The following SCHIP1 variants were observed in gnomAD, a reference collection of about 807,000 sequenced individuals.
SCHIP1 encodes schwannomin interacting protein 1, also known as schwannomin-interacting protein 1.
Under a neutral mutation model 29.7 loss-of-function variants are expected in SCHIP1, and 8 were observed. The ratio of observed to expected loss-of-function variants is 0.27; its 90% CI spans 0.16 to 0.49. The LOEUF is 0.49. SCHIP1 is among the 20% of genes least tolerant of loss of function. The pLI, the probability that SCHIP1 is intolerant of heterozygous loss-of-function variation, is 0.99. For missense variants in SCHIP1, 193 were observed against 294.6 expected, an observed-to-expected ratio of 0.66 and a Z score of 2.52; for synonymous variants, 76 against 94.9, an observed-to-expected ratio of 0.80 and a Z score of 1.16.
chr3:159,701,335 A>C, the SCHIP1 span, among the ~76,000 whole-genome samples: 1 of 152,140 alleles, frequency 6.6e-6, no homozygotes, highest in African/African-American at 2.4e-5. Flanking sequence ...CACAAAGTAC[A>C]GAGTTCCTAT....
At chr3:159,296,918 T>G in the SCHIP1 span, among the ~76,000 whole-genome samples, 1 of 152,218 alleles carries the variant, frequency 6.6e-6, no homozygotes, top group East Asian at 1.9e-4. Flanking sequence ...ACTAACATCT[T>G]CCTATTTCCT....
chr3:159,442,187 AG>A, the SCHIP1 span, among the ~76,000 whole-genome samples: 1 of 152,282 alleles, frequency 6.6e-6, no homozygotes, highest in South Asian at 2.1e-4. Flanking sequence ...TGTATGCAAA[AG>A]AAACAGACTC....
chr3:159,412,110 A>T, the SCHIP1 span, among the ~76,000 whole-genome samples: 2 of 152,216 alleles, frequency 1.3e-5, no homozygotes, highest in South Asian at 4.1e-4. Context: ...AGTTACTGTT[A>T]TCCATACCCA....
At chr3:159,587,600 C>T in the SCHIP1 span, among the ~76,000 whole-genome samples, 2 of 152,174 alleles carry the variant, frequency 1.3e-5, no homozygotes, top group Non-Finnish European at 2.9e-5. Flanking sequence ...GGTATATCTC[C>T]TAATGCTATC....
the SCHIP1 span, among the ~76,000 whole-genome samples, chr3:159,427,563 G>A: frequency 2.0e-5 from 3 of 152,226 alleles, no homozygotes; most frequent in Middle Eastern, 6.8e-3. Context: ...ACAAATGGAA[G>A]AACATTCCAT....
At chr3:159,783,154 G>A in the SCHIP1 span, among the ~76,000 whole-genome samples, 1 of 152,210 alleles carries the variant, frequency 6.6e-6, no homozygotes, top group African/African-American at 2.4e-5. Context: ...ACCTAGCTAG[G>A]ATTTTTTCCC....
intron 2 of SCHIP1, among the ~76,000 whole-genome samples, chr3:159,876,417 C>T (rs1715815794): frequency 1.3e-5 from 2 of 152,186 alleles, no homozygotes; most frequent in African/African-American, 2.4e-5. Flanking sequence ...TCAGTTTCCT[C>T]ATCTGTAAAA....
chr3:159,416,545 T>C, the SCHIP1 span, among the ~76,000 whole-genome samples: 5 of 152,234 alleles, frequency 3.3e-5, no homozygotes, highest in Non-Finnish European at 7.3e-5. Flanking sequence ...GTTCATACTT[T>C]CTTGAATTGC....
the SCHIP1 span, among the ~76,000 whole-genome samples, chr3:159,521,845 C>A: frequency 6.6e-6 from 1 of 152,160 alleles, no homozygotes; most frequent in South Asian, 2.1e-4. Flanking sequence ...ATACGCATAG[C>A]CAAAAATAAT....
At chr3:159,624,917 C>T in the SCHIP1 span, among the ~76,000 whole-genome samples, 109 of 152,264 alleles carry the variant, frequency 7.2e-4, no homozygotes, top group Admixed American at 2.0e-3. Flanking sequence ...GGTTTATACC[C>T]TCTAAAACCC....
the SCHIP1 span, among the ~76,000 whole-genome samples, chr3:159,482,028 C>T: frequency 6.6e-6 from 1 of 152,198 alleles, no homozygotes; most frequent in Non-Finnish European, 1.5e-5. Context: ...TGTGTATATG[C>T]ATGGGTGCAT....
chr3:159,383,031 A>C, the SCHIP1 span, among the ~76,000 whole-genome samples: 3 of 149,324 alleles, frequency 2.0e-5, no homozygotes, highest in Admixed American at 1.4e-4. Context: ...GAGTAGGTTG[A>C]GAAAATTTTC....
chr3:159,666,154 C>A, the SCHIP1 span, among the ~76,000 whole-genome samples: 1 of 152,138 alleles, frequency 6.6e-6, no homozygotes, highest in Admixed American at 6.5e-5. Context: ...TGGTATGAGC[C>A]CAATTAAACC....
the SCHIP1 span, among the ~76,000 whole-genome samples, chr3:159,457,064 A>G: frequency 1.3e-5 from 2 of 152,164 alleles, no homozygotes; most frequent in Non-Finnish European, 2.9e-5. Flanking sequence ...TCAAATTACA[A>G]AAGCTTGCAT....
the SCHIP1 span, among the ~76,000 whole-genome samples, chr3:159,594,385 A>G: frequency 2.6e-5 from 4 of 152,208 alleles, no homozygotes; most frequent in Admixed American, 1.3e-4. Flanking sequence ...ACAATAAGAC[A>G]TGTTTGCCTG....
chr3:159,418,865 G>A, the SCHIP1 span, among the ~76,000 whole-genome samples: 1 of 152,208 alleles, frequency 6.6e-6, no homozygotes, highest in Non-Finnish European at 1.5e-5. Context: ...CCTCTTTGAT[G>A]TTAGGTAATG....
At chr3:159,359,824 T>C in the SCHIP1 span, among the ~76,000 whole-genome samples, 1 of 152,190 alleles carries the variant, frequency 6.6e-6, no homozygotes, top group Admixed American at 6.5e-5. Context: ...AAGATCCTCC[T>C]GTAAAAGAAC....
chr3:159,573,845 T>G, the SCHIP1 span, among the ~76,000 whole-genome samples: 1 of 152,204 alleles, frequency 6.6e-6, no homozygotes, highest in Non-Finnish European at 1.5e-5. Flanking sequence ...TTTTCTCACT[T>G]TATTTCATTA....
the SCHIP1 span, among the ~76,000 whole-genome samples, chr3:159,822,382 A>G: frequency 6.6e-6 from 1 of 152,034 alleles, no homozygotes; most frequent in Non-Finnish European, 1.5e-5. Flanking sequence ...AGTGCAATGG[A>G]AGAATTATTG....
Sources: gnomAD v4.1 joint callset for allele counts (sites outside exome capture counted in the v4.1 genomes callset) on GRCh38, gnomAD v4.1.1 for gene constraint, MANE v1.5 for transcripts, NCBI Gene and HGNC (gene_info 2026-07-23, HGNC 2026-07-21) for gene names.